The following TBCK variants were observed in gnomAD, a reference collection of about 807,000 sequenced individuals.
TBCK encodes the protein TBC domain-containing protein kinase-like protein.
Under a neutral mutation model 113.4 loss-of-function variants are expected in TBCK, and 99 were observed. The ratio of observed to expected loss-of-function variants is 0.87; its 90% CI spans 0.74 to 1.03. The LOEUF (loss-of-function observed/expected upper bound fraction) is 1.03. TBCK is among the 50% of genes least tolerant of loss of function. The pLI is 0.00. For synonymous variants in TBCK, 369 were observed against 370.8 expected (o/e 1.00, Z 0.05); for missense variants, 1,045 against 1,061.3 (o/e 0.98, Z 0.21).
chr4:106,221,104 A>G (rs893968392), intron 19 of TBCK, among the ~76,000 whole-genome samples: 1 of 152,172 alleles, frequency 6.6e-6, no homozygotes, highest in Non-Finnish European at 1.5e-5. Context: ...TCTGCTGAAG[A>G]AATCTAATCC....
At chr4:106,272,312 C>T (rs62318087) in intron 3 of TBCK, among the ~76,000 whole-genome samples, 11,640 of 152,022 alleles carry the variant, frequency 0.077, 508 homozygotes, top group Middle Eastern at 0.18. Flanking sequence ...ATATTGGTTT[C>T]TTTCCGTGCT....
chr4:106,081,236 A>G (rs1738838405), intron 25 of TBCK, among the ~76,000 whole-genome samples: 2 of 152,204 alleles, frequency 1.3e-5, no homozygotes, highest in South Asian at 2.1e-4. Flanking sequence ...GTGCATATAT[A>G]TTCACTGCAG....
chr4:106,171,907 T>G (rs1751076293), intron 22 of TBCK, among the ~76,000 whole-genome samples: 1 of 152,144 alleles, frequency 6.6e-6, no homozygotes, highest in African/African-American at 2.4e-5. Context: ...CACGGCTCAC[T>G]GCAACCTTGG....
At chr4:106,123,831 A>T (rs1308742012) in intron 23 of TBCK, among the ~76,000 whole-genome samples, 7 of 148,434 alleles carry the variant, frequency 4.7e-5, no homozygotes, top group Admixed American at 4.7e-4. Context: ...CCTTCCTTAC[A>T]CCTTATACAA....
chr4:106,251,467 A>C (rs1438322165), intron 6 of TBCK, among the ~76,000 whole-genome samples: 1 of 152,012 alleles, frequency 6.6e-6, no homozygotes, highest in Non-Finnish European at 1.5e-5. Flanking sequence ...GTTCATTGAA[A>C]AAAAGCTGCT....
At chr4:106,206,724 G>A (rs1755543186) in intron 20 of TBCK, among the ~76,000 whole-genome samples, 1 of 152,132 alleles carries the variant, frequency 6.6e-6, no homozygotes, top group Admixed American at 6.5e-5. Context: ...AAGAACAAAT[G>A]AAGGAACAAA....
chr4:106,228,262 A>T lies in TBCK; in HGVS notation c.1774+2101T>A, dbSNP rs191997718. Among the ~76,000 whole-genome samples the T allele has an allele frequency of 2.1e-3, 316 of 152,094 alleles. 1 individual carries two copies. The highest frequency in any genetic ancestry group is 7.2e-3 in the African/African-American group (301 of 41,536). ...ATCCAATTATATACTTACTTATTTT[A>T]AAATGTACAATTAAATTATTATTAA... is the stretch of plus-strand genomic sequence containing the variant. On this transcript the variant is annotated intron_variant, in intron 19 of 25. Transcript: ENST00000394708.
intron 25 of TBCK, among the ~76,000 whole-genome samples, chr4:106,088,401 C>T (rs948787983): frequency 1.3e-5 from 2 of 152,178 alleles, no homozygotes; most frequent in African/African-American, 4.8e-5. Flanking sequence ...CAATGAGATA[C>T]TATTTCACGC....
intron 23 of TBCK, among the ~76,000 whole-genome samples, chr4:106,146,874 A>G (rs78596650): frequency 0.011 from 1,708 of 152,320 alleles, 29 homozygotes; most frequent in African/African-American, 0.039. Flanking sequence ...ACTTCTCTCC[A>G]TATTCACTCC....
At chr4:106,134,029 A>C (rs1045852055) in intron 23 of TBCK, among the ~76,000 whole-genome samples, 4 of 127,398 alleles carry the variant, frequency 3.1e-5, no homozygotes, top group Non-Finnish European at 5.1e-5. Flanking sequence ...ACAAAAACAA[A>C]AAAAAAAACA....
chr4:106,119,775 T>C (rs1288661224), intron 23 of TBCK, among the ~76,000 whole-genome samples: 1 of 152,150 alleles, frequency 6.6e-6, no homozygotes, highest in Non-Finnish European at 1.5e-5. Flanking sequence ...GACAAGGGAT[T>C]AATAACCAGA....
intron 25 of TBCK, among the ~76,000 whole-genome samples, chr4:106,071,521 T>C (rs973518748): frequency 1.3e-5 from 2 of 152,220 alleles, no homozygotes; most frequent in African/African-American, 4.8e-5. Context: ...CTCCCAACTA[T>C]GTGGTCAATT....
chr4:106,120,304 C>T lies in TBCK; in HGVS notation c.2236-3926G>A, dbSNP rs147433788. ...ACGAGATTATATCCCGCACCTGGCT[C>T]GGAGGGTCTTACGCCCACAGAGTCT... On this transcript the variant is annotated intron_variant, in intron 23 of 25. Transcript: ENST00000394708. Among the ~76,000 whole-genome samples the T allele has an allele frequency of 9.9e-3, 1,511 of 152,214 alleles. 21 individuals are homozygous for T. The highest frequency in any genetic ancestry group is 0.035 in the African/African-American group (1,437 of 41,528).
At chr4:106,049,765 A>G (rs1312649259) in intron 25 of TBCK, among the ~76,000 whole-genome samples, 1 of 152,062 alleles carries the variant, frequency 6.6e-6, no homozygotes, top group Non-Finnish European at 1.5e-5. Context: ...ATACTGAACC[A>G]GTGGTTATAA....
At chr4:106,127,124 C>A (rs374680270) in intron 23 of TBCK, among the ~76,000 whole-genome samples, 1 of 147,510 alleles carries the variant, frequency 6.8e-6, no homozygotes, top group African/African-American at 2.5e-5. Context: ...AGGAGAATCG[C>A]TTGAACCCAG....
At chr4:106,239,300 A>G (rs572311309) in intron 12 of TBCK, among the ~76,000 whole-genome samples, 1 of 152,214 alleles carries the variant, frequency 6.6e-6, no homozygotes, top group Admixed American at 6.6e-5. Flanking sequence ...GTCACAGCCC[A>G]GGAACACAGG....
At chr4:106,231,142 T>C (rs1191188090) in intron 18 of TBCK, among the ~76,000 whole-genome samples, 2 of 151,652 alleles carry the variant, frequency 1.3e-5, no homozygotes, top group Non-Finnish European at 1.5e-5. Flanking sequence ...ACACTCTATA[T>C]GTGATTTCAG....
intron 25 of TBCK, among the ~76,000 whole-genome samples, chr4:106,067,113 C>CA (rs1404673508): frequency 3.3e-5 from 5 of 152,096 alleles, no homozygotes; most frequent in Non-Finnish European, 1.5e-5. Context: ...GAAGCTACAT[C>CA]ATTTTACAAT....
At chr4:106,250,574 G>C (rs1196567378) in intron 6 of TBCK, 96 bp from the exon 7 acceptor site, 1 of 627,974 alleles carries the variant, frequency 1.6e-6, no homozygotes. Flanking sequence ...ATTTTATCAG[G>C]CATCTTTATT....
Sources: gnomAD v4.1 joint callset for allele counts (sites outside exome capture counted in the v4.1 genomes callset) on GRCh38, gnomAD v4.1.1 for gene constraint, MANE v1.5 for transcripts, NCBI Gene and HGNC (gene_info 2026-07-23, HGNC 2026-07-21) for gene names.